Variants in ABLIM1 observed in about 807,000 individuals in gnomAD.
ABLIM1 encodes actin binding LIM protein 1, also known as actin-binding LIM protein 1.
ABLIM1 carries 40 observed loss-of-function variants against 107.0 expected under a neutral mutation model. The observed-to-expected ratio is 0.37, with a 90% CI of 0.29 to 0.49. The LOEUF is 0.49. Ranked by LOEUF, ABLIM1 falls within the 20% of genes least tolerant of loss-of-function variation. The pLI is 0.97. For synonymous variants in ABLIM1, 357 were observed against 357.3 expected (o/e 1.00, Z 0.01); for missense variants, 857 against 1,008.5 (o/e 0.85, Z 2.04).
chr10:114,436,158 G>T lies in ABLIM1; in HGVS notation c.*102C>A. 3 of 867,318 alleles carry T rather than the reference G, an allele frequency of 3.5e-6. No homozygotes were observed. The highest frequency in any genetic ancestry group is 2.5e-5 in the East Asian group (1 of 40,262). The allele number at this position is 867,318 out of a possible 1,614,324, so 53.7% of individuals were successfully genotyped here. ...TCTCTTTTTGGTGTTGCTGAGCGAC[G>T]GTAGTTTGCAAATTCTCCAATCAAG... On this transcript the variant is annotated 3_prime_UTR_variant, in exon 23 of 23. Transcript: ENST00000533213.
intron 1 of ABLIM1, among the ~76,000 whole-genome samples, chr10:114,697,001 G>C (rs2081208021): frequency 6.6e-6 from 1 of 152,136 alleles, no homozygotes; most frequent in African/African-American, 2.4e-5. Flanking sequence ...CTATGCTGAG[G>C]CCTTCTGGTC....
chr10:114,523,187 G>A (rs923136051), intron 6 of ABLIM1, among the ~76,000 whole-genome samples: 7 of 152,054 alleles, frequency 4.6e-5, no homozygotes, highest in Admixed American at 3.9e-4. Flanking sequence ...CATGGAGCTG[G>A]GGTTGGTTTG....
the ABLIM1 span, among the ~76,000 whole-genome samples, chr10:114,781,670 A>G: frequency 2.2e-5 from 3 of 134,630 alleles, no homozygotes; most frequent in African/African-American, 8.4e-5. Context: ...GCGTGTATAT[A>G]TATATATATA....
chr10:114,695,913 C>T (rs185027987), intron 1 of ABLIM1, among the ~76,000 whole-genome samples: 1 of 152,288 alleles, frequency 6.6e-6, no homozygotes, highest in Admixed American at 6.5e-5. Flanking sequence ...ATTGCCATCG[C>T]CCCATCAATG....
At chr10:114,740,962 A>G (rs115477891) in intron 1 of ABLIM1, among the ~76,000 whole-genome samples, 8,445 of 151,078 alleles carry the variant, frequency 0.056, 360 homozygotes, top group African/African-American at 0.12. Flanking sequence ...GAACCTAGGA[A>G]GCGGGGGTTG....
chr10:114,575,129 C>G (rs1401389019), intron 3 of ABLIM1, among the ~76,000 whole-genome samples: 1 of 152,116 alleles, frequency 6.6e-6, no homozygotes, highest in Non-Finnish European at 1.5e-5. Flanking sequence ...ATGCCATTTC[C>G]CCCTGATGTT....
chr10:114,654,018 G>A lies in ABLIM1; in HGVS notation c.244+3939C>T, dbSNP rs115955325. Reference sequence around the variant, plus strand: ...GACAATAACAGGAAGCTGCAGCATCGTGAGATCTTTCTGGCAGCTGGAGGA... The same window carrying A: ...GACAATAACAGGAAGCTGCAGCATCATGAGATCTTTCTGGCAGCTGGAGGA... On this transcript the variant is annotated intron_variant, in intron 1 of 22. Transcript: ENST00000533213. Among the ~76,000 whole-genome samples, 435 of 152,386 alleles carry A rather than the reference G, an allele frequency of 2.9e-3. 3 individuals are homozygous for A. Among genetic ancestry groups the A allele is most frequent in the African/African-American group, 9.4e-3 (391 of 41,588 alleles).
chr10:114,550,534 T>C (rs1399396677), intron 4 of ABLIM1, among the ~76,000 whole-genome samples: 2 of 152,204 alleles, frequency 1.3e-5, no homozygotes, highest in Non-Finnish European at 1.5e-5. Context: ...ATTGTTATAA[T>C]TGATGAACTG....
intron 1 of ABLIM1, among the ~76,000 whole-genome samples, chr10:114,704,302 C>CTCTATA (rs1380460034): frequency 1.4e-4 from 6 of 43,058 alleles, no homozygotes; most frequent in East Asian, 4.4e-4. Context: ...CTCTCTCTCT[C>CTCTATA]TATATATATA....
At chr10:114,476,319 A>G (rs1452349830) in intron 8 of ABLIM1, among the ~76,000 whole-genome samples, 1 of 152,168 alleles carries the variant, frequency 6.6e-6, no homozygotes, top group Non-Finnish European at 1.5e-5. Context: ...GAGTATGTTG[A>G]AAAAGGAAAG....
chr10:114,569,251 G>A (rs114450745), intron 4 of ABLIM1, among the ~76,000 whole-genome samples: 2,137 of 152,070 alleles, frequency 0.014, 42 homozygotes, highest in African/African-American at 0.048. Flanking sequence ...CCTTGTGGAC[G>A]TGTTCTCTGC....
intron 6 of ABLIM1, among the ~76,000 whole-genome samples, chr10:114,509,511 C>T (rs565140616): frequency 6.6e-6 from 1 of 152,122 alleles, no homozygotes; most frequent in Non-Finnish European, 1.5e-5. Flanking sequence ...ACAACCTCTT[C>T]CTCTCCCTCC....
Position 114,485,225 on chromosome 10 carries a change from C to T in ABLIM1, c.1041+2733G>A, listed in dbSNP as rs140698113. On this transcript the variant is annotated intron_variant, in intron 8 of 22. Coordinates refer to ENST00000533213, the MANE Select transcript of ABLIM1 (RefSeq NM_002313.7). Reference sequence around the variant, plus strand: ...CGAAGAAGTTATGTGAGAAAAGCAGCCCAGGGGAAAAGCAACAGAAGCCTG... The same window carrying T: ...CGAAGAAGTTATGTGAGAAAAGCAGTCCAGGGGAAAAGCAACAGAAGCCTG... 245 of 1,243,252 alleles carry T rather than the reference C, an allele frequency of 2.0e-4. No homozygotes were observed. In the African/African-American group the frequency reaches 2.1e-3, roughly 10 times the overall value. 77.0% of individuals were successfully genotyped at this position (1,243,252 alleles called of 1,614,324 possible).
At chr10:114,437,767 A>T in intron 22 of ABLIM1, 77 bp downstream of exon 22, 2 of 1,251,598 alleles carry the variant, frequency 1.6e-6, no homozygotes, top group East Asian at 4.7e-5. Flanking sequence ...CTGAAGAAAT[A>T]AAACATTGCT....
At chr10:114,524,921 C>T (rs573579802) in intron 6 of ABLIM1, among the ~76,000 whole-genome samples, 1 of 152,374 alleles carries the variant, frequency 6.6e-6, no homozygotes, top group South Asian at 2.1e-4. Context: ...ACCTGTCCTG[C>T]CACTGTTCCT....
chr10:114,755,506 T>G (rs532670186), intron 1 of ABLIM1, among the ~76,000 whole-genome samples: 1 of 152,328 alleles, frequency 6.6e-6, no homozygotes, highest in Admixed American at 6.5e-5. Flanking sequence ...CTGTGCTTCA[T>G]GCATGTGGTG....
chr10:114,730,117 G>A (rs1591902243), intron 1 of ABLIM1, among the ~76,000 whole-genome samples: 1 of 152,116 alleles, frequency 6.6e-6, no homozygotes, highest in East Asian at 1.9e-4. Flanking sequence ...CTACTTAGGA[G>A]CTGGGTGTGG....
At chr10:114,442,904 T>C (rs2060402896) in intron 17 of ABLIM1, among the ~76,000 whole-genome samples, 1 of 151,998 alleles carries the variant, frequency 6.6e-6, no homozygotes, top group Non-Finnish European at 1.5e-5. Context: ...AGTGGCGCAA[T>C]CTTGGCTCAA....
chr10:114,603,491 G>C (rs2076182683), intron 1 of ABLIM1, among the ~76,000 whole-genome samples: 1 of 151,838 alleles, frequency 6.6e-6, no homozygotes, highest in Non-Finnish European at 1.5e-5. Context: ...TCTACCTCCT[G>C]GGATCTCTCT....
Sources: gnomAD v4.1 joint callset for allele counts (sites outside exome capture counted in the v4.1 genomes callset) on GRCh38, gnomAD v4.1.1 for gene constraint, MANE v1.5 for transcripts, NCBI Gene and HGNC (gene_info 2026-07-23, HGNC 2026-07-21) for gene names.